Variants in GRM1 observed in about 807,000 individuals in gnomAD.
GRM1 encodes the protein metabotropic glutamate receptor 1.
Under a neutral mutation model 90.9 loss-of-function variants are expected in GRM1, and 33 were observed. That is an observed-to-expected ratio of 0.36 (90% CI 0.28 to 0.49). The LOEUF is 0.49. GRM1 is among the 20% of genes least tolerant of loss of function. The pLI is 0.99. For synonymous variants in GRM1, 700 were observed against 613.2 expected, an observed-to-expected ratio of 1.14 and a Z score of -2.09; for missense variants, 1,190 against 1,534.3, an observed-to-expected ratio of 0.78 and a Z score of 3.75.
chr6:146,163,915 A>G (rs1362887257), intron 2 of GRM1, among the ~76,000 whole-genome samples: 2 of 152,064 alleles, frequency 1.3e-5, no homozygotes, highest in Admixed American at 6.6e-5. Context: ...TCATTTCTTT[A>G]TCTTAACATG....
Position 146,159,412 on chromosome 6 carries a change from C to A in GRM1, c.765C>A (p.Ile255=). The change falls in exon 2 of 8, where the codon ATC becomes ATA. Residue 255 remains isoleucine (I), a synonymous_variant. Coordinates refer to ENST00000282753, the MANE Select transcript of GRM1 (RefSeq NM_001278064.2). The part of the protein sequence containing the change: ...KELAAQEGLC[I]AHSDKIYSNA... ...TGGCTGCCCAGGAAGGCCTCTGTAT[C>A]GCCCATTCTGACAAAATCTACAGCA... 6.2e-7 allele frequency: 1 copy of A among 1,614,176 alleles called. No individual in the cohort carries two copies.
chr6:146,208,835 A>AT (rs1306814887), intron 2 of GRM1, among the ~76,000 whole-genome samples: 13 of 152,082 alleles, frequency 8.5e-5, no homozygotes, highest in African/African-American at 2.9e-4. Context: ...TTCCTCTTAA[A>AT]TTTTTATAAA....
chr6:146,261,653 G>A (rs1028051763), intron 2 of GRM1, among the ~76,000 whole-genome samples: 1 of 152,128 alleles, frequency 6.6e-6, no homozygotes, highest in Admixed American at 6.5e-5. Flanking sequence ...CTGTAGGAAA[G>A]TAGCCCTAAG....
At chr6:146,414,539 A>G (rs1216388788) in intron 7 of GRM1, among the ~76,000 whole-genome samples, 1 of 152,018 alleles carries the variant, frequency 6.6e-6, no homozygotes, top group East Asian at 1.9e-4. Flanking sequence ...AGTAGCTGGG[A>G]CTACAGGCGC....
At chr6:146,137,697 T>A (rs933088743) in intron 1 of GRM1, among the ~76,000 whole-genome samples, 1 of 152,154 alleles carries the variant, frequency 6.6e-6, no homozygotes, top group Non-Finnish European at 1.5e-5. Flanking sequence ...GTGAAGAACA[T>A]TGTTGGTATT....
At chr6:146,171,989 T>G (rs942462934) in intron 2 of GRM1, 5 of 157,962 alleles carry the variant, frequency 3.2e-5, no homozygotes, top group African/African-American at 1.2e-4. Flanking sequence ...TTGGGAAGCA[T>G]CTGTTGGTAT....
rs571945648 is a variant in GRM1, at chr6:146,202,966, C to T, written c.950+43369C>T. Among the ~76,000 whole-genome samples the T allele has an allele frequency of 2.7e-4, 41 of 152,068 alleles. 1 individual carries two copies. In the South Asian group the frequency reaches 7.9e-3, roughly 29 times the overall value. On this transcript the variant is annotated intron_variant, in intron 2 of 7. Coordinates refer to ENST00000282753, the MANE Select transcript of GRM1 (RefSeq NM_001278064.2). ...ATCCCAGCACTTTGGGAGGCCAAGGCGGGCGGATCACGAGGTCAGGAGAGA... is the reference window on the plus strand; with the variant it reads ...ATCCCAGCACTTTGGGAGGCCAAGGTGGGCGGATCACGAGGTCAGGAGAGA...
chr6:146,177,411 G>A (rs1443813049), intron 2 of GRM1, among the ~76,000 whole-genome samples: 1 of 151,964 alleles, frequency 6.6e-6, no homozygotes, highest in East Asian at 1.9e-4. Context: ...TTTCCTCTAG[G>A]ATATTATTAA....
chr6:146,311,735 A>G lies in GRM1; in HGVS notation c.1186+6889A>G, dbSNP rs905849100. Reference sequence around the variant, plus strand: ...TATTTCTTATAAACATAATAGTAACAGTGATACATGAGTAACAGCATGAAC... The same window carrying G: ...TATTTCTTATAAACATAATAGTAACGGTGATACATGAGTAACAGCATGAAC... On this transcript the variant is annotated intron_variant, in intron 3 of 7. Coordinates refer to ENST00000282753, the MANE Select transcript of GRM1 (RefSeq NM_001278064.2). Among the ~76,000 whole-genome samples the G allele has an allele frequency of 4.6e-5, 7 of 152,248 alleles. No individual in the cohort carries two copies. The East Asian group carries it at 9.6e-4, about 21-fold the overall frequency.
rs1562571418 is a variant in GRM1 at position 146,270,956 on chromosome 6, T to TTC, written c.951-33655_951-33654insTC. Among the ~76,000 whole-genome samples the TTC allele has an allele frequency of 4.3e-3, 366 of 84,366 alleles. 11 individuals are homozygous for TTC. The highest frequency in any genetic ancestry group is 0.016 in the African/African-American group (247 of 15,680). The allele number at this position is 84,366 out of a possible 152,430, so 55.3% of individuals were successfully genotyped here. A position where few individuals can be genotyped will look rare whatever the true frequency, so the allele number is the denominator to read the frequency against. On this transcript the variant is annotated intron_variant, in intron 2 of 7. Coordinates refer to ENST00000282753, the MANE Select transcript of GRM1 (RefSeq NM_001278064.2). ...TCCTTCCTTCCTTCCTTCCTTCCTTTCTTTCTTTCTTTTTTTTTTCTCTCT... is the reference window on the plus strand; with the variant it reads ...TCCTTCCTTCCTTCCTTCCTTCCTTTTCCTTTCTTTCTTTTTTTTTTCTCTCT...
At chr6:146,206,848 T>C (rs1779513194) in intron 2 of GRM1, among the ~76,000 whole-genome samples, 1 of 152,032 alleles carries the variant, frequency 6.6e-6, no homozygotes, top group Non-Finnish European at 1.5e-5. Flanking sequence ...GTTTCTTTCT[T>C]TGTGTTCATT....
At chr6:146,414,615 A>G (rs536425518) in intron 7 of GRM1, among the ~76,000 whole-genome samples, 8 of 152,122 alleles carry the variant, frequency 5.3e-5, no homozygotes, top group South Asian at 2.1e-4. Flanking sequence ...TGTTAGCCAG[A>G]ATGGTCTTGA....
chr6:146,098,324 T>C (rs1776939327), intron 1 of GRM1, among the ~76,000 whole-genome samples: 1 of 152,204 alleles, frequency 6.6e-6, no homozygotes, highest in African/African-American at 2.4e-5. Context: ...AGGATATTGA[T>C]AATATTGTTC....
At chr6:146,264,872 T>A (rs138121091) in intron 2 of GRM1, among the ~76,000 whole-genome samples, 1 of 152,324 alleles carries the variant, frequency 6.6e-6, no homozygotes, top group East Asian at 1.9e-4. Flanking sequence ...GATTTTATTC[T>A]TTTTTATGGC....
chr6:146,204,548 C>T (rs1371782397), intron 2 of GRM1, among the ~76,000 whole-genome samples: 1 of 152,126 alleles, frequency 6.6e-6, no homozygotes, highest in African/African-American at 2.4e-5. Flanking sequence ...CCAGGTATCA[C>T]ATTTATAGAT....
chr6:146,191,422 CCT>C (rs887064011), intron 2 of GRM1, among the ~76,000 whole-genome samples: 29 of 152,266 alleles, frequency 1.9e-4, no homozygotes, highest in African/African-American at 5.5e-4. Flanking sequence ...TTCGGTGATT[CCT>C]CTCTGTTTAA....
chr6:146,395,487 A>C (rs1776894159), intron 6 of GRM1, among the ~76,000 whole-genome samples: 1 of 152,132 alleles, frequency 6.6e-6, no homozygotes, highest in Admixed American at 6.6e-5. Context: ...TAAATGTTAC[A>C]CCACTGGGTT....
chr6:146,237,243 G>A (rs1246249842), intron 2 of GRM1, among the ~76,000 whole-genome samples: 2 of 151,986 alleles, frequency 1.3e-5, no homozygotes, highest in Non-Finnish European at 2.9e-5. Context: ...CTGTATAGCA[G>A]GAGGAAATGG....
intron 2 of GRM1, among the ~76,000 whole-genome samples, chr6:146,286,285 A>C (rs1230594508): frequency 6.6e-6 from 1 of 152,178 alleles, no homozygotes; most frequent in Non-Finnish European, 1.5e-5. Flanking sequence ...AACTCGATAC[A>C]TATAAAAATA....
Sources: allele counts gnomAD v4.1 joint callset (sites outside exome capture counted in the v4.1 genomes callset), GRCh38; gene constraint gnomAD v4.1.1; transcripts MANE v1.5; gene names NCBI Gene and HGNC (gene_info 2026-07-23, HGNC 2026-07-21).